Variants in IFT81 observed in about 807,000 individuals in gnomAD.
IFT81 encodes intraflagellar transport protein 81 homolog.
IFT81 carries 72 observed loss-of-function variants against 102.6 expected under a neutral mutation model. The observed-to-expected ratio is 0.70, with a 90% CI of 0.58 to 0.85. IFT81 has a LOEUF of 0.85. Among genes scored for constraint, IFT81 ranks in the 40% least tolerant of loss-of-function variants. The pLI is 0.00. For missense variants in IFT81, 723 were observed against 787.3 expected (o/e 0.92, Z 0.98); for synonymous variants, 237 against 242.7 (o/e 0.98, Z 0.22).
At chr12:110,139,842 TAAAA>T (rs1566110282) in intron 8 of IFT81, among the ~76,000 whole-genome samples, 1 of 119,928 alleles carries the variant, frequency 8.3e-6, no homozygotes, top group Non-Finnish European at 1.7e-5. Flanking sequence ...TAAAATAAAA[TAAAA>T]TAAATAAAAT....
rs1464293931 is a variant in IFT81 at position 110,128,033 on chromosome 12, A to G, written c.145-13A>G. On this transcript the variant is annotated splice_polypyrimidine_tract_variant and intron_variant, in intron 2 of 18. Transcript: ENST00000242591. ...ATACAACAATAACATGTTTTTTTCA[A>G]TTTCTTTGTTAGCAACTTGTGGATA... 1 of 1,575,942 alleles carries G rather than the reference A, an allele frequency of 6.3e-7. No individual in the cohort carries two copies.
chr12:110,169,039 T>TCCTC (rs1190261508), intron 11 of IFT81: 3 of 140,398 alleles, frequency 2.1e-5, no homozygotes, highest in Non-Finnish European at 4.6e-5. Flanking sequence ...CTTCCTTCCT[T>TCCTC]CCTTCCTTCC....
chr12:110,172,620 C>T (rs1239369101), intron 11 of IFT81, among the ~76,000 whole-genome samples: 1 of 152,168 alleles, frequency 6.6e-6, no homozygotes, highest in Non-Finnish European at 1.5e-5. Context: ...AGCTCCTAAC[C>T]GCGAGTGATC....
chr12:110,128,691 G>A (rs1566098966), intron 3 of IFT81, among the ~76,000 whole-genome samples: 1 of 151,310 alleles, frequency 6.6e-6, no homozygotes, highest in East Asian at 1.9e-4. Context: ...CAGCTACTTG[G>A]GAGGCTAAGG....
In IFT81 at chr12:110,135,341, G is replaced by A; in HGVS notation, c.600G>A (p.Gln200=). The part of the protein sequence containing the change: ...EHLKKRVETA[Q]NHQWMLKIAR... ...CCTTACTGTAGGTTGAGACAGCTCA[G>A]AATCATCAATGGATGCTTAAAATAG... Residue 200 remains glutamine (Q), a synonymous_variant, in exon 7 of 19, where the codon CAG becomes CAA. Transcript: ENST00000242591. 1.2e-6 allele frequency: 2 copies of A among 1,610,592 alleles called. No individual in the cohort carries two copies. Among genetic ancestry groups the A allele is most frequent in the Non-Finnish European group, 1.7e-6 (2 of 1,177,772 alleles).
rs112411666 is a variant in IFT81 at position 110,180,288 on chromosome 12, C to T, written c.1189-134C>T. On this transcript the variant is annotated intron_variant, in intron 11 of 18. Coordinates refer to ENST00000242591, the MANE Select transcript of IFT81 (RefSeq NM_014055.4). ...TATTATATAAAGTTTTCTAATAAAA[C>T]GAAATTATTATATACGTGTGACATG... 1.2e-4 allele frequency: 32 copies of T among 262,054 alleles called. 2 individuals carry two copies. The highest frequency in any genetic ancestry group is 4.1e-4 in the African/African-American group (18 of 44,026). The allele number at this position is 262,054 out of a possible 1,614,324, so 16.2% of individuals were successfully genotyped here.
chr12:110,210,730 G>GA (rs926241121), intron 18 of IFT81, among the ~76,000 whole-genome samples: 16 of 144,456 alleles, frequency 1.1e-4, no homozygotes, highest in Admixed American at 2.8e-4. Context: ...GTGACAGAGT[G>GA]AAAAAAAAAA....
At chr12:110,217,455 A>G (rs1870277325) in intron 18 of IFT81, among the ~76,000 whole-genome samples, 1 of 151,986 alleles carries the variant, frequency 6.6e-6, no homozygotes. Context: ...TGACTTCCAA[A>G]CTCTACATTC....
chr12:110,179,539 T>C (rs537900063), intron 11 of IFT81, among the ~76,000 whole-genome samples: 48 of 150,972 alleles, frequency 3.2e-4, no homozygotes, highest in African/African-American at 1.1e-3. Context: ...CTGGGCAACA[T>C]AGGGAAACCC....
intron 18 of IFT81, among the ~76,000 whole-genome samples, chr12:110,209,791 A>G (rs956791026): frequency 4.0e-5 from 6 of 151,096 alleles, no homozygotes; most frequent in Admixed American, 1.3e-4. Context: ...AAAAAAAATT[A>G]TTCTCAGATA....
At chr12:110,204,157 T>C (rs1898447341) in intron 15 of IFT81, 3 of 457,712 alleles carry the variant, frequency 6.6e-6, no homozygotes, top group Middle Eastern at 1.2e-3. Flanking sequence ...ATACTGCCCG[T>C]GTACGCACAT....
chr12:110,168,938 C>T (rs1029897039), intron 11 of IFT81: 1 of 152,114 alleles, frequency 6.6e-6, no homozygotes. Flanking sequence ...AATGGCTCAC[C>T]TTGCCTAAAG....
intron 10 of IFT81, among the ~76,000 whole-genome samples, chr12:110,152,655 C>T (rs1324102036): frequency 6.6e-6 from 1 of 151,742 alleles, no homozygotes; most frequent in Non-Finnish European, 1.5e-5. Flanking sequence ...ATTGCCCAGG[C>T]TGGAGTGTGT....
chr12:110,196,937 A>T (rs1280588931), intron 14 of IFT81, among the ~76,000 whole-genome samples: 2 of 152,098 alleles, frequency 1.3e-5, no homozygotes, highest in Non-Finnish European at 2.9e-5. Context: ...GCAGTTGCTC[A>T]TGACTGTAAT....
intron 12 of IFT81, among the ~76,000 whole-genome samples, chr12:110,188,697 G>T (rs1897660395): frequency 6.6e-6 from 1 of 151,624 alleles, no homozygotes; most frequent in South Asian, 2.1e-4. Context: ...AGCCAAGGTG[G>T]GTGGATCATG....
chr12:110,179,769 TATATACACAC>T (rs1470864767), intron 11 of IFT81, among the ~76,000 whole-genome samples: 2 of 65,378 alleles, frequency 3.1e-5, no homozygotes, highest in Admixed American at 2.0e-4. Context: ...TATATATATA[TATATACACAC>T]ACACACACAC....
At chr12:110,185,024 A>C (rs1408295503) in intron 12 of IFT81, among the ~76,000 whole-genome samples, 1 of 152,158 alleles carries the variant, frequency 6.6e-6, no homozygotes, top group Non-Finnish European at 1.5e-5. Flanking sequence ...CACAAGTGAA[A>C]GTCTTATTAA....
intron 8 of IFT81, among the ~76,000 whole-genome samples, chr12:110,140,014 T>C (rs1251767972): frequency 6.6e-6 from 1 of 151,924 alleles, no homozygotes; most frequent in African/African-American, 2.4e-5. Flanking sequence ...TAAAGTGAGC[T>C]ATGATTGTGC....
At chr12:110,182,434 T>C (rs1446829121) in intron 12 of IFT81, among the ~76,000 whole-genome samples, 1 of 152,156 alleles carries the variant, frequency 6.6e-6, no homozygotes, top group Non-Finnish European at 1.5e-5. Flanking sequence ...GTACCTCCTC[T>C]GGTTTAGATG....
Sources: allele counts gnomAD v4.1 joint callset (sites outside exome capture counted in the v4.1 genomes callset), GRCh38; gene constraint gnomAD v4.1.1; transcripts MANE v1.5; gene names NCBI Gene and HGNC (gene_info 2026-07-23, HGNC 2026-07-21).